The following TRPM2 variants were observed in gnomAD, a reference collection of about 807,000 sequenced individuals.
TRPM2 encodes the protein transient receptor potential cation channel subfamily M member 2, also known as estrogen-responsive element-associated gene 1 protein.
TRPM2 carries 161 observed loss-of-function variants against 174.0 expected under a neutral mutation model. The observed-to-expected ratio is 0.93, with a 90% CI of 0.81 to 1.05. The LOEUF (loss-of-function observed/expected upper bound fraction) is 1.05, where lower values mean the gene tolerates loss of function less well. Ranked by LOEUF, TRPM2 falls within the 50% of genes least tolerant of loss-of-function variation. TRPM2 has a pLI of 0.00. For missense variants in TRPM2, 2,057 were observed against 2,038.0 expected (o/e 1.01, Z -0.18); for synonymous variants, 954 against 861.3 (o/e 1.11, Z -1.88).
intron 7 of TRPM2, 29 bp downstream of exon 7, chr21:44,377,802 G>A (rs758875320): frequency 6.2e-7 from 1 of 1,612,756 alleles, no homozygotes; most frequent in Non-Finnish European, 8.5e-7. Context: ...GAGGGGGCAT[G>A]TGTGGGCCCG....
At chr21:44,414,425 C>T (rs968191407) in intron 20 of TRPM2, among the ~76,000 whole-genome samples, 7 of 152,216 alleles carry the variant, frequency 4.6e-5, no homozygotes, top group African/African-American at 1.4e-4. Flanking sequence ...TCTGCGCAGG[C>T]GCAGCATTAT....
chr21:44,368,387 G>A (rs920326639), intron 4 of TRPM2, among the ~76,000 whole-genome samples: 6 of 151,724 alleles, frequency 4.0e-5, no homozygotes, highest in Middle Eastern at 6.8e-3. Context: ...GATAACAGGC[G>A]TGAGCCACCA....
At chr21:44,388,249 T>G (rs1489289457) in intron 9 of TRPM2, among the ~76,000 whole-genome samples, 1 of 152,190 alleles carries the variant, frequency 6.6e-6, no homozygotes, top group Non-Finnish European at 1.5e-5. Context: ...TTCTGACACA[T>G]GCTGCAACAT....
At chr21:44,369,366 G>A in intron 5 of TRPM2, 23 bp downstream of exon 5, 3 of 1,592,792 alleles carry the variant, frequency 1.9e-6, no homozygotes, top group Non-Finnish European at 2.6e-6. Flanking sequence ...CCCTAGGGAG[G>A]GGAGCCTAAG....
intron 13 of TRPM2, 124 bp downstream of exon 13, chr21:44,398,000 GCCCTGCACGCTTAC>G: frequency 8.3e-7 from 1 of 1,209,102 alleles, no homozygotes; most frequent in South Asian, 2.3e-5. Context: ...CTGGGCCTCA[GCCCTGCACGCTTAC>G]CCTGGGGTCC....
At chr21:44,398,904 G>A (rs1356583355) in intron 13 of TRPM2, among the ~76,000 whole-genome samples, 1 of 152,114 alleles carries the variant, frequency 6.6e-6, no homozygotes, top group South Asian at 2.1e-4. Flanking sequence ...AGGCAAGAAG[G>A]GGGTTCGTTT....
chr21:44,354,781 C>G lies in TRPM2; in HGVS notation c.254+45C>G. 10 of 1,573,408 alleles carry G rather than the reference C, an allele frequency of 6.4e-6. No individual in the cohort carries two copies. The highest frequency in any genetic ancestry group is 8.7e-6 in the Non-Finnish European group (10 of 1,142,922). On this transcript the variant is annotated intron_variant, in intron 2 of 31. Coordinates refer to ENST00000397928, the MANE Select transcript of TRPM2 (RefSeq NM_003307.4). The surrounding 1 kb of genome is among the most constrained non-coding windows in gnomAD (Gnocchi z 4.3). ...TGTAAGACCTCTGACTTCTTCCTTCCGATCCCACATGGAGTAGCTGATCAG... is the reference window on the plus strand; with the variant it reads ...TGTAAGACCTCTGACTTCTTCCTTCGGATCCCACATGGAGTAGCTGATCAG...
rs1005596079 is a variant in TRPM2, at chr21:44,425,005, T to C, written c.3637+66T>C. 421 of 1,416,844 alleles carry C rather than the reference T, an allele frequency of 3.0e-4. 8 individuals carry two copies. In the East Asian group the frequency reaches 0.01, roughly 35 times the overall value. 87.8% of individuals were successfully genotyped at this position (1,416,844 alleles called of 1,614,324 possible). On this transcript the variant is annotated intron_variant, in intron 24 of 31. Coordinates refer to ENST00000397928, the MANE Select transcript of TRPM2 (RefSeq NM_003307.4). ...TGTTTCTTTTGGGTCTGGGGTCAGT[T>C]GGGAGGAGAGGCAGCTGGGGGTGGG... is the stretch of plus-strand genomic sequence containing the variant.
upstream of TRPM2, among the ~76,000 whole-genome samples, chr21:44,352,404 G>A (rs1038293167): frequency 2.0e-5 from 3 of 152,254 alleles, no homozygotes; most frequent in Non-Finnish European, 4.4e-5. Context: ...AGCCCCAAGA[G>A]CCCGGCACCG....
Position 44,397,844 on chromosome 21 carries a change from C to T in TRPM2, c.2030C>T (p.Ala677Val), listed in dbSNP as rs200254205. The change falls in exon 13 of 32, where the codon GCG becomes GTG. Residue 677 changes from alanine (A) to valine (V), a missense_variant. Transcript: ENST00000397928. ...EDTDSSEEMLALAEEYEHRAI... is the reference protein window; with the variant it reads ...EDTDSSEEMLVLAEEYEHRAI... ...ACGGACAGCTCGGAGGAGATGCTGG[C>T]GCTGGCGGAGGAGTATGAGCACAGA... The T allele has an allele frequency of 3.6e-5, 58 of 1,606,680 alleles. No homozygotes were observed. The highest frequency in any genetic ancestry group is 1.7e-4 in the Middle Eastern group (1 of 6,054).
intron 1 of TRPM2, 47 bp downstream of exon 1, chr21:44,353,912 G>A: frequency 1.3e-6 from 2 of 1,578,014 alleles, no homozygotes; most frequent in Non-Finnish European, 1.7e-6. Context: ...GGCCACGGAG[G>A]TCACCGTTGG....
At chr21:44,418,670 G>A in intron 22 of TRPM2, 115 bp downstream of exon 22, 1 of 1,341,402 alleles carries the variant, frequency 7.5e-7, no homozygotes, top group East Asian at 2.3e-5. Context: ...CCTCACCGGT[G>A]AGGGAGCGCT....
chr21:44,433,859 G>A (rs1601254175), intron 27 of TRPM2, among the ~76,000 whole-genome samples: 2 of 152,334 alleles, frequency 1.3e-5, no homozygotes, highest in African/African-American at 4.8e-5. Flanking sequence ...CTGCGCAGAG[G>A]TGTGACGAGA....
chr21:44,365,690 G>A (rs929109341), intron 3 of TRPM2, among the ~76,000 whole-genome samples: 1 of 152,150 alleles, frequency 6.6e-6, no homozygotes, highest in African/African-American at 2.4e-5. Flanking sequence ...GCTTCTCCCA[G>A]CCCCCTCCCT....
chr21:44,369,987 C>T (rs910662990), intron 5 of TRPM2, among the ~76,000 whole-genome samples: 2 of 146,150 alleles, frequency 1.4e-5, no homozygotes, highest in Non-Finnish European at 3.0e-5. Context: ...TGGGTGACGT[C>T]TGACCGGGTG....
At chr21:44,378,556 C>T (rs529954539) in intron 7 of TRPM2, among the ~76,000 whole-genome samples, 80 of 152,316 alleles carry the variant, frequency 5.3e-4, no homozygotes, top group Middle Eastern at 3.4e-3. Flanking sequence ...GATGCTCATG[C>T]ACACGGCAGA....
rs1337576471 is a variant in TRPM2, at chr21:44,399,945, G to A, written c.2209-314G>A. Among the ~76,000 whole-genome samples the A allele has an allele frequency of 1.3e-5, 2 of 152,176 alleles. No homozygotes were observed. Among genetic ancestry groups the A allele is most frequent in the African/African-American group, 4.8e-5 (2 of 41,438 alleles). ...ATGAGCTCCCGTCATGTCCTGGGCTGTGCCAGGCCTAGGGAGGCCTGGGGA... is the reference window on the plus strand; with the variant it reads ...ATGAGCTCCCGTCATGTCCTGGGCTATGCCAGGCCTAGGGAGGCCTGGGGA... On this transcript the variant is annotated intron_variant, in intron 14 of 31. Transcript: ENST00000397928. The surrounding 1 kb of genome is among the most constrained non-coding windows in gnomAD (Gnocchi z 4.6).
chr21:44,398,950 A>G (rs2049519220), intron 13 of TRPM2, among the ~76,000 whole-genome samples: 1 of 152,152 alleles, frequency 6.6e-6, no homozygotes, highest in Non-Finnish European at 1.5e-5. Flanking sequence ...TTTGGAAGTT[A>G]AACTATAAAC....
chr21:44,395,290 T>C (rs2049306348), intron 11 of TRPM2, 124 bp from the exon 12 acceptor site: 2 of 1,241,032 alleles, frequency 1.6e-6, no homozygotes, highest in African/African-American at 3.0e-5. Flanking sequence ...GTTGTAGTTC[T>C]CCAGGGACAG....
Sources: allele counts gnomAD v4.1 joint callset (sites outside exome capture counted in the v4.1 genomes callset), GRCh38; gene constraint gnomAD v4.1.1; non-coding constraint Gnocchi (gnomAD v3.1); transcripts MANE v1.5; gene names NCBI Gene and HGNC (gene_info 2026-07-23, HGNC 2026-07-21).